Variants in TRAF3IP3 observed in about 807,000 individuals in gnomAD.
TRAF3IP3 encodes TRAF3 interacting protein 3.
In TRAF3IP3, 64 loss-of-function variants were observed where a neutral mutation model predicts 86.5. That is an observed-to-expected ratio of 0.74 (90% CI 0.60 to 0.91). TRAF3IP3 has a LOEUF of 0.91. TRAF3IP3 is among the 40% of genes least tolerant of loss of function. The probability of loss-of-function intolerance (pLI) is 0.00; values close to 1 mark genes in which losing one functional copy is unlikely to be tolerated. For synonymous variants in TRAF3IP3, 220 were observed against 243.9 expected, an observed-to-expected ratio of 0.90 and a Z score of 0.91; for missense variants, 579 against 642.9, an observed-to-expected ratio of 0.90 and a Z score of 1.07.
At chr1:209,768,085 A>C (rs1462328976) in intron 8 of TRAF3IP3, 14 of 946,292 alleles carry the variant, frequency 1.5e-5, no homozygotes, top group African/African-American at 1.8e-5. Flanking sequence ...TCAACTCTCT[A>C]TCTCTTCCAT....
At chr1:209,758,681 A>G (rs2294406) in intron 1 of TRAF3IP3, 7,167 of 152,324 alleles carry the variant, frequency 0.047, 613 homozygotes, top group East Asian at 0.3. Flanking sequence ...TGGGAGGAAG[A>G]GAAGCAGCAG....
chr1:209,762,745 C>T, intron 4 of TRAF3IP3, 68 bp from the exon 5 acceptor site: 1 of 1,092,100 alleles, frequency 9.2e-7, no homozygotes, highest in Non-Finnish European at 1.3e-6. Context: ...ATGGAGAGTC[C>T]CTGTCCCTCC....
intron 2 of TRAF3IP3, 128 bp from the exon 3 acceptor site, chr1:209,759,854 C>A: frequency 5.0e-6 from 3 of 595,164 alleles, no homozygotes; most frequent in Non-Finnish European, 9.0e-6. Context: ...TTGATACCAC[C>A]ATGTCCTCAG....
In TRAF3IP3 at chr1:209,775,414, G is replaced by A. The variant is rs1264551620; in HGVS notation, c.840G>A (p.Glu280=). 1.9e-6 allele frequency: 3 copies of A among 1,614,220 alleles called. No homozygotes were observed. Among genetic ancestry groups the A allele is most frequent in the South Asian group, 2.2e-5 (2 of 91,086 alleles). ...LEMEDQKNSY[E]QKAKESLQKV... ...TGGAAGACCAGAAAAACAGCTATGA[G>A]CAGAAGGCCAAGGAGTCACTGCAGA... is the stretch of plus-strand genomic sequence containing the variant. The change falls in exon 10 of 17, where the codon GAG becomes GAA. Residue 280 remains glutamate, a synonymous_variant. Transcript: ENST00000367025.
chr1:209,762,836 C>T lies in TRAF3IP3; in HGVS notation c.517C>T (p.Pro173Ser). Residue 173 changes from proline to serine, a missense_variant, in exon 5 of 17, where the codon CCA becomes TCA. Coordinates refer to ENST00000367025, the MANE Select transcript of TRAF3IP3 (RefSeq NM_025228.4). The stretch of plus-strand genomic sequence containing the variant: ...AGGTACTCAGACAAAGGCAGAAGGA[C>T]CAACAATTAAGAACGATGCCAGTCA... ...HRGTQTKAEG[P>S]TIKNDASQQT... is the part of the protein sequence containing the mutation. 1.2e-6 allele frequency: 2 copies of T among 1,612,086 alleles called. No homozygotes were observed. The highest frequency in any genetic ancestry group is 1.7e-6 in the Non-Finnish European group (2 of 1,179,644).
intron 1 of TRAF3IP3, among the ~76,000 whole-genome samples, chr1:209,757,559 G>C (rs2077175758): frequency 6.6e-6 from 1 of 152,086 alleles, no homozygotes; most frequent in Non-Finnish European, 1.5e-5. Flanking sequence ...CCAGAGGTCA[G>C]AAGTAAATGT....
chr1:209,778,729 A>C (rs1438227868), intron 13 of TRAF3IP3: 1 of 155,234 alleles, frequency 6.4e-6, no homozygotes, highest in South Asian at 2.0e-4. Flanking sequence ...ATGATTATTA[A>C]GAGAGCAAAG....
chr1:209,762,998 A>G, intron 5 of TRAF3IP3, 70 bp from the exon 6 acceptor site: 1 of 1,594,656 alleles, frequency 6.3e-7, no homozygotes, highest in Non-Finnish European at 8.6e-7. Context: ...CTTCAGAAGG[A>G]ATCAACCCAC....
In TRAF3IP3 at chr1:209,760,360, A is replaced by T. The variant is rs2077224887; in HGVS notation, c.321A>T (p.Arg107Ser). 1.9e-6 allele frequency: 3 copies of T among 1,606,088 alleles called. No individual in the cohort carries two copies. Among genetic ancestry groups the T allele is most frequent in the Non-Finnish European group, 2.6e-6 (3 of 1,176,320 alleles). Residue 107 changes from arginine to serine, a missense_variant, in exon 3 of 17, where the codon AGA becomes AGT. Transcript: ENST00000367025. ...TCAAGGAACCCTTGTCTTGTGCCAG[A>T]AGGATTTCTTCTCCCAGAGAGCAGG... ...TVLKEPLSCA[R>S]RISSPREQVT...
chr1:209,772,641 C>T (rs572352373), intron 8 of TRAF3IP3, among the ~76,000 whole-genome samples: 13 of 152,092 alleles, frequency 8.5e-5, no homozygotes, highest in African/African-American at 2.9e-4. Flanking sequence ...AGATAGTGAG[C>T]GAAAGGGTAG....
chr1:209,770,857 G>T (rs574395954), intron 8 of TRAF3IP3, among the ~76,000 whole-genome samples: 3 of 137,968 alleles, frequency 2.2e-5, no homozygotes, highest in East Asian at 4.6e-4. Context: ...GTGTGCATGT[G>T]AAAGTGTGTG....
chr1:209,771,545 G>A (rs1358641443), intron 8 of TRAF3IP3, among the ~76,000 whole-genome samples: 1 of 147,518 alleles, frequency 6.8e-6, no homozygotes, highest in African/African-American at 2.5e-5. Flanking sequence ...GTACGTGTAT[G>A]CAGGTGGAGG....
At chr1:209,774,036 T>C (rs2077601064) in intron 9 of TRAF3IP3, among the ~76,000 whole-genome samples, 1 of 152,214 alleles carries the variant, frequency 6.6e-6, no homozygotes, top group Non-Finnish European at 1.5e-5. Context: ...CAAAGCTAAA[T>C]GGAAATGATT....
chr1:209,773,658 T>C (rs2077592555), intron 9 of TRAF3IP3, among the ~76,000 whole-genome samples: 1 of 152,318 alleles, frequency 6.6e-6, no homozygotes, highest in Non-Finnish European at 1.5e-5. Flanking sequence ...AATTCTCCCA[T>C]CTGGAGTTAG....
chr1:209,765,210 AGAGG>A (rs2077323760), intron 8 of TRAF3IP3, among the ~76,000 whole-genome samples: 1 of 108,672 alleles, frequency 9.2e-6, no homozygotes, highest in South Asian at 3.5e-4. Context: ...AGAGAGAGAG[AGAGG>A]GAGAGAGAGA....
At chr1:209,781,740 G>T (rs1255696749) in intron 16 of TRAF3IP3, 1 of 485,098 alleles carries the variant, frequency 2.1e-6, no homozygotes, top group Non-Finnish European at 3.7e-6. Context: ...ATGGTGGCAA[G>T]AACAGAAGGA....
At chr1:209,762,364 A>G in intron 3 of TRAF3IP3, 151 bp from the exon 4 acceptor site, 2 of 692,056 alleles carry the variant, frequency 2.9e-6, no homozygotes, top group Non-Finnish European at 4.2e-6. Context: ...ACATTGGGAG[A>G]TAGGATTTCA....
chr1:209,772,871 A>G, intron 8 of TRAF3IP3, 77 bp from the exon 9 acceptor site: 2 of 1,274,678 alleles, frequency 1.6e-6, no homozygotes, highest in Non-Finnish European at 2.3e-6. Context: ...GCTGGGCAGT[A>G]GAATAGGAAT....
chr1:209,775,569 T>C (rs1449002515), intron 10 of TRAF3IP3, 30 bp from the exon 11 acceptor site: 2 of 1,614,166 alleles, frequency 1.2e-6, no homozygotes, highest in African/African-American at 1.3e-5. Context: ...CACAACTCCC[T>C]GGAGCCCTCT....
Sources: allele counts gnomAD v4.1 joint callset (sites outside exome capture counted in the v4.1 genomes callset), GRCh38; gene constraint gnomAD v4.1.1; transcripts MANE v1.5; gene names NCBI Gene and HGNC (gene_info 2026-07-23, HGNC 2026-07-21).